HDHD5: variants seen among roughly 807,000 people sequenced by gnomAD.
HDHD5 encodes haloacid dehalogenase-like hydrolase domain-containing 5.
HDHD5 carries 34 observed loss-of-function variants against 35.5 expected under a neutral mutation model. The ratio of observed to expected loss-of-function variants is 0.96; its 90% CI spans 0.73 to 1.28. The LOEUF is 1.28. HDHD5 is among the 50% of genes most tolerant of loss of function. The pLI, the probability that HDHD5 is intolerant of heterozygous loss-of-function variation, is 0.00. For synonymous variants in HDHD5, 248 were observed against 240.6 expected, an observed-to-expected ratio of 1.03 and a Z score of -0.29; for missense variants, 589 against 560.2, an observed-to-expected ratio of 1.05 and a Z score of -0.52.
upstream of HDHD5, chr22:17,159,298 C>A (rs1344805189): frequency 5.7e-6 from 7 of 1,224,364 alleles, no homozygotes; most frequent in Admixed American, 4.8e-5. Flanking sequence ...CCCCCCCCCC[C>A]GCGAGTCCGT....
Position 17,138,309 on chromosome 22 carries a change from G to A in HDHD5, c.984C>T (p.Tyr328=). ...CCCCATCATGCGTTGCCTTCTGCAGGTACTGGTGGAACAGGTTGGCGCCGT... is the reference window on the plus strand; with the variant it reads ...CCCCATCATGCGTTGCCTTCTGCAGATACTGGTGGAACAGGTTGGCGCCGT... ...DVYGANLFHQ[Y]LQKATHDGAP... Residue 328 remains tyrosine, a synonymous_variant, in exon 8 of 8, where the codon TAC becomes TAT. Coordinates refer to ENST00000336737, the MANE Select transcript of HDHD5 (RefSeq NM_033070.3). The A allele has an allele frequency of 1.9e-6, 3 of 1,614,146 alleles. No homozygotes were observed. The highest frequency in any genetic ancestry group is 2.5e-6 in the Non-Finnish European group (3 of 1,180,044).
At chr22:17,139,822 G>A (rs9618991) in intron 6 of HDHD5, among the ~76,000 whole-genome samples, 51 of 152,170 alleles carry the variant, frequency 3.4e-4, no homozygotes, top group Middle Eastern at 3.2e-3. Flanking sequence ...CACCCACCTC[G>A]GCCTCCCGAA....
At chr22:17,151,401 C>T (rs7288579) in intron 1 of HDHD5, among the ~76,000 whole-genome samples, 2,216 of 152,258 alleles carry the variant, frequency 0.015, 52 homozygotes, top group African/African-American at 0.05. Flanking sequence ...CTACTCTACG[C>T]ACAGAGCTCC....
At chr22:17,145,839 A>G (rs2061656416) in intron 3 of HDHD5, among the ~76,000 whole-genome samples, 1 of 152,122 alleles carries the variant, frequency 6.6e-6, no homozygotes, top group Admixed American at 6.5e-5. Flanking sequence ...GTCATGGAGA[A>G]GTAGGGCTGG....
At chr22:17,154,371 A>G in intron 1 of HDHD5, among the ~76,000 whole-genome samples, 1 of 49,602 alleles carries the variant, frequency 2.0e-5, no homozygotes, top group Admixed American at 2.0e-4. Flanking sequence ...AATCCCAGCT[A>G]CTCGGAAGGC....
upstream of HDHD5, among the ~76,000 whole-genome samples, chr22:17,160,809 A>G (rs980561836): frequency 2.0e-5 from 3 of 152,192 alleles, no homozygotes; most frequent in Non-Finnish European, 2.9e-5. Flanking sequence ...ATAGCCCGAC[A>G]CTTAAACCCT....
chr22:17,137,999 C>A lies in HDHD5; in HGVS notation c.*22G>T, dbSNP rs930766135. ...CTCGCCCACAGGTCCAGGCTCACCCCCTCACCTCCACCGCACTGCCCTCAC... is the reference window on the plus strand; with the variant it reads ...CTCGCCCACAGGTCCAGGCTCACCCACTCACCTCCACCGCACTGCCCTCAC... On this transcript the variant is annotated 3_prime_UTR_variant, in exon 8 of 8. Coordinates refer to ENST00000336737, the MANE Select transcript of HDHD5 (RefSeq NM_033070.3). The A allele has an allele frequency of 3.8e-6, 6 of 1,587,650 alleles. No homozygotes were observed. The highest frequency in any genetic ancestry group is 1.7e-4 in the Middle Eastern group (1 of 5,882).
In HDHD5 at chr22:17,145,052, A is replaced by G; in HGVS notation, c.509T>C (p.Val170Ala). The stretch of plus-strand genomic sequence containing the variant: ...GGTCTTTAGCCGCCGCTCCAGGTCC[A>G]CCATGTCAAGCAGAGGAAAGGCCAT... The part of the protein sequence containing the change: ...LRMAFPLLDM[V>A]DLERRLKTTP... Residue 170 changes from valine (V) to alanine (A), a missense_variant, in exon 4 of 8, where the codon GTG becomes GCG. By Grantham distance (64) the Val-to-Ala change is moderately conservative. Coordinates refer to ENST00000336737, the MANE Select transcript of HDHD5 (RefSeq NM_033070.3). 1 of 1,613,964 alleles carries G rather than the reference A, an allele frequency of 6.2e-7. No homozygotes were observed. The highest frequency in any genetic ancestry group is 8.5e-7 in the Non-Finnish European group (1 of 1,180,000).
intron 1 of HDHD5, among the ~76,000 whole-genome samples, chr22:17,157,079 CACACAT>C (rs1343333223): frequency 0.011 from 1,145 of 102,232 alleles, 14 homozygotes; most frequent in African/African-American, 0.042. Flanking sequence ...CACCGTCTCA[CACACAT>C]ACACACACAC....
At chr22:17,154,191 T>C (rs2061759025) in intron 1 of HDHD5, among the ~76,000 whole-genome samples, 1 of 150,464 alleles carries the variant, frequency 6.6e-6, no homozygotes, top group African/African-American at 2.4e-5. Context: ...AGTGTTTCTT[T>C]AAGAAACTTG....
chr22:17,141,334 A>T (rs2061599593), intron 5 of HDHD5, 101 bp from the exon 6 acceptor site: 3 of 1,465,908 alleles, frequency 2.0e-6, no homozygotes, highest in Non-Finnish European at 2.7e-6. Flanking sequence ...CCCTCCACCC[A>T]TGGTGCACCC....
upstream of HDHD5, chr22:17,159,363 CT>C (rs1568954653): frequency 8.3e-7 from 1 of 1,203,260 alleles, no homozygotes; most frequent in Non-Finnish European, 1.1e-6. Context: ...AGTTGTAGTC[CT>C]GTAAGCGCGC....
At position 17,138,129 on chromosome 22, in the gene HDHD5, G is replaced by A. The variant is rs769576113; in HGVS notation, c.1164C>T (p.His388=). 1 of 1,614,158 alleles carries A rather than the reference G, an allele frequency of 6.2e-7. No individual in the cohort carries two copies. The highest frequency in any genetic ancestry group is 1.1e-5 in the South Asian group (1 of 91,080). Residue 388 remains histidine (H), a synonymous_variant, in exon 8 of 8, where the codon CAC becomes CAT. Coordinates refer to ENST00000336737, the MANE Select transcript of HDHD5 (RefSeq NM_033070.3). ...GCCCTGGACTGAAGCATAAGTCTCG[G>A]TGCCCGTGGAATGGAGGCTCCCCTC... The part of the protein sequence containing the change: ...LGGGEPPFHG[H]RDLCFSPGLM...
chr22:17,144,542 T>C (rs1239299493), intron 4 of HDHD5, among the ~76,000 whole-genome samples: 1 of 151,584 alleles, frequency 6.6e-6, no homozygotes, highest in Non-Finnish European at 1.5e-5. Flanking sequence ...GCCTCCCGAG[T>C]AGCTGGGATT....
chr22:17,148,748 T>A (rs970537472), intron 2 of HDHD5, among the ~76,000 whole-genome samples, 188 bp from the exon 3 acceptor site: 1 of 152,188 alleles, frequency 6.6e-6, no homozygotes, highest in African/African-American at 2.4e-5. Flanking sequence ...GAGAAGAACC[T>A]GTCTCATTTA....
chr22:17,138,506 A>G, intron 7 of HDHD5, 44 bp downstream of exon 7: 1 of 1,590,074 alleles, frequency 6.3e-7, no homozygotes, highest in Non-Finnish European at 8.6e-7. Flanking sequence ...GAGGGAGAGA[A>G]GGGGATGTCA....
In HDHD5 at chr22:17,138,042, C is replaced by T; in HGVS notation, c.1251G>A (p.Lys417=). 1 of 1,613,112 alleles carries T rather than the reference C, an allele frequency of 6.2e-7. No individual in the cohort carries two copies. ...GCCCTCACTCCAAAGCCCAGCCCTC[C>T]TTGCGGAAGACCAGCTGCACAGCCT... ...VNEAVQLVFR[K]EGWALE Residue 417 remains lysine, a synonymous_variant, in exon 8 of 8, where the codon AAG becomes AAA. Transcript: ENST00000336737.
At chr22:17,160,341 C>T (rs994865336), upstream of HDHD5, among the ~76,000 whole-genome samples, 13 of 151,468 alleles carry the variant, frequency 8.6e-5, no homozygotes, top group African/African-American at 3.2e-4. Context: ...AGGGAGACCC[C>T]TTCTCTATTT....
intron 2 of HDHD5, among the ~76,000 whole-genome samples, chr22:17,149,044 G>A (rs893501783): frequency 2.0e-5 from 3 of 152,154 alleles, no homozygotes; most frequent in South Asian, 2.1e-4. Flanking sequence ...ATTTGATTCC[G>A]TCACATTTTA....
Sources: allele counts gnomAD v4.1 joint callset (sites outside exome capture counted in the v4.1 genomes callset), GRCh38; gene constraint gnomAD v4.1.1; transcripts MANE v1.5; gene names NCBI Gene and HGNC (gene_info 2026-07-23, HGNC 2026-07-21).